LRP1B: variants seen among roughly 807,000 people sequenced by gnomAD.
LRP1B encodes low-density lipoprotein receptor-related protein 1B.
LRP1B carries 217 observed loss-of-function variants against 556.6 expected under a neutral mutation model. The observed-to-expected ratio is 0.39, with a 90% CI of 0.35 to 0.44. The LOEUF is 0.44. LRP1B is among the 20% of genes least tolerant of loss of function. LRP1B has a pLI of 1.00. For missense variants in LRP1B, 5,053 were observed against 5,620.8 expected, an observed-to-expected ratio of 0.90 and a Z score of 3.23; for synonymous variants, 2,047 against 1,865.8, an observed-to-expected ratio of 1.10 and a Z score of -2.50.
intron 3 of LRP1B, among the ~76,000 whole-genome samples, chr2:141,341,277 AC>A (rs1225357414): frequency 6.6e-6 from 1 of 152,216 alleles, no homozygotes; most frequent in East Asian, 1.9e-4. Flanking sequence ...TGAATGTCAT[AC>A]CCATGTATGG....
chr2:141,689,628 A>T (rs1017612698), intron 2 of LRP1B, among the ~76,000 whole-genome samples: 3 of 151,800 alleles, frequency 2.0e-5, no homozygotes, highest in African/African-American at 7.2e-5. Context: ...GCCAAATTTA[A>T]TCTGAGATAA....
At chr2:141,740,115 GATCA>G (rs1693642105) in intron 2 of LRP1B, among the ~76,000 whole-genome samples, 1 of 152,090 alleles carries the variant, frequency 6.6e-6, no homozygotes, top group African/African-American at 2.4e-5. Flanking sequence ...AGTGATAATA[GATCA>G]ATCTAATGCT....
At chr2:141,526,664 C>G (rs1684702113) in intron 2 of LRP1B, among the ~76,000 whole-genome samples, 1 of 151,940 alleles carries the variant, frequency 6.6e-6, no homozygotes, top group South Asian at 2.1e-4. Context: ...AATGTAGACC[C>G]CACCAGCATA....
Position 140,327,986 on chromosome 2 carries a change from TC to T in LRP1B, c.12224-2109del, listed in dbSNP as rs1169600829. Among the ~76,000 whole-genome samples, 5 of 152,172 alleles carry T rather than the reference TC, an allele frequency of 3.3e-5. No homozygotes were observed. In the East Asian group the frequency reaches 7.7e-4, roughly 24 times the overall value. Reference sequence around the variant, plus strand: ...AGCCCTTTAATAAAAGAGATAGTCTTCTAAATTAAAAAGTTAATAAAGGAAT... The same window carrying T: ...AGCCCTTTAATAAAAGAGATAGTCTTTAAATTAAAAAGTTAATAAAGGAAT... On this transcript the variant is annotated intron_variant, in intron 79 of 90. Coordinates refer to ENST00000389484, the MANE Select transcript of LRP1B (RefSeq NM_018557.3).
At chr2:141,923,807 T>C (rs1313807871) in intron 1 of LRP1B, among the ~76,000 whole-genome samples, 2 of 152,154 alleles carry the variant, frequency 1.3e-5, no homozygotes, top group African/African-American at 4.8e-5. Flanking sequence ...CAGTCATTTC[T>C]TTCCCTTTCC....
chr2:140,741,842 T>C lies in LRP1B; in HGVS notation c.5759-25026A>G, dbSNP rs927670902. 9.2e-5 allele frequency among the ~76,000 whole-genome samples: 14 copies of C among 152,312 alleles called. No individual in the cohort carries two copies. The South Asian group carries it at 2.5e-3, about 27-fold the overall frequency. ...GTGCTCAATGCTTAGCTCCCAAATG[T>C]AAGTGAGAACATGCACTATTTGGTT... On this transcript the variant is annotated intron_variant, in intron 35 of 90. Coordinates refer to ENST00000389484, the MANE Select transcript of LRP1B (RefSeq NM_018557.3).
intron 2 of LRP1B, among the ~76,000 whole-genome samples, chr2:141,707,992 G>GT (rs375678921): frequency 4.5e-4 from 68 of 152,212 alleles, no homozygotes; most frequent in African/African-American, 1.5e-3. Context: ...TCAATCAGCA[G>GT]TTTTGAAATA....
At chr2:141,264,861 G>A (rs2105357443) in intron 3 of LRP1B, among the ~76,000 whole-genome samples, 1 of 152,300 alleles carries the variant, frequency 6.6e-6, no homozygotes, top group South Asian at 2.1e-4. Flanking sequence ...CTACGTGGCT[G>A]TGCCTGGTCA....
At chr2:140,446,619 A>G (rs923614034) in intron 63 of LRP1B, among the ~76,000 whole-genome samples, 2 of 152,126 alleles carry the variant, frequency 1.3e-5, no homozygotes, top group Non-Finnish European at 2.9e-5. Flanking sequence ...TCATTCCTAC[A>G]GATATTCAAA....
intron 3 of LRP1B, among the ~76,000 whole-genome samples, chr2:141,270,153 G>A (rs980016751): frequency 5.3e-5 from 8 of 151,966 alleles, no homozygotes; most frequent in Admixed American, 2.0e-4. Flanking sequence ...CCAAAGATAC[G>A]CAAATTGCCA....
chr2:140,247,978 T>C (rs1681241667), intron 86 of LRP1B, among the ~76,000 whole-genome samples: 1 of 151,538 alleles, frequency 6.6e-6, no homozygotes, highest in Admixed American at 6.6e-5. Flanking sequence ...TGGCTTCAGT[T>C]CGTAGTTAAA....
rs115054498 is a variant in LRP1B at position 140,948,385 on chromosome 2, T to C, written c.3136+1850A>G. The stretch of plus-strand genomic sequence containing the variant: ...GGCAAAAAAAGAAAAACTTTACATA[T>C]ACTTTTTCTTTTTTCACTCAATATT... On this transcript the variant is annotated intron_variant, in intron 20 of 90. Transcript: ENST00000389484. 7.2e-3 allele frequency among the ~76,000 whole-genome samples: 1,092 copies of C among 152,288 alleles called. 7 individuals carry two copies. Among genetic ancestry groups the C allele is most frequent in the Non-Finnish European group, 0.012 (829 of 68,010 alleles).
chr2:141,751,155 A>G (rs186515650), intron 2 of LRP1B, among the ~76,000 whole-genome samples: 2 of 152,194 alleles, frequency 1.3e-5, no homozygotes, highest in Admixed American at 1.3e-4. Flanking sequence ...AAAGTTAACA[A>G]ATAAAACACA....
intron 34 of LRP1B, 132 bp downstream of exon 34, chr2:140,770,749 A>G (rs1689281516): frequency 1.7e-6 from 1 of 579,174 alleles, no homozygotes; most frequent in Non-Finnish European, 2.9e-6. Context: ...GAGACTAAAC[A>G]GTATACCATT....
rs1422613073 is a variant in LRP1B, at chr2:141,467,102, G to A, written c.343+13294C>T. ...TACACACACACACACATATATATGTGTATATATATATATATATATATCTAT... is the reference window on the plus strand; with the variant it reads ...TACACACACACACACATATATATGTATATATATATATATATATATATCTAT... On this transcript the variant is annotated intron_variant, in intron 3 of 90. Transcript: ENST00000389484. 2.6e-3 allele frequency among the ~76,000 whole-genome samples: 220 copies of A among 84,348 alleles called. 10 individuals are homozygous for A. Among genetic ancestry groups the A allele is most frequent in the African/African-American group, 0.012 (199 of 17,000 alleles). 55.3% of individuals were successfully genotyped at this position (84,348 alleles called of 152,430 possible).
intron 1 of LRP1B, among the ~76,000 whole-genome samples, chr2:141,906,520 C>T (rs1699766129): frequency 6.6e-6 from 1 of 151,906 alleles, no homozygotes; most frequent in African/African-American, 2.4e-5. Flanking sequence ...TTAATTGTTA[C>T]AATACTGAAT....
At chr2:141,115,324 A>C (rs72991077) in intron 7 of LRP1B, among the ~76,000 whole-genome samples, 6,092 of 152,232 alleles carry the variant, frequency 0.04, 278 homozygotes, top group East Asian at 0.14. Flanking sequence ...AGGAATAGAC[A>C]AGGATTCAAT....
At chr2:141,067,889 A>G (rs1181124126) in intron 7 of LRP1B, among the ~76,000 whole-genome samples, 1 of 151,960 alleles carries the variant, frequency 6.6e-6, no homozygotes, top group Admixed American at 6.6e-5. Flanking sequence ...TGGAGCCTGC[A>G]TATCAAAGTA....
chr2:141,702,626 C>A (rs1242134202), intron 2 of LRP1B, among the ~76,000 whole-genome samples: 1 of 151,674 alleles, frequency 6.6e-6, no homozygotes, highest in East Asian at 1.9e-4. Context: ...TAGTAGGGAG[C>A]TAGTGAAGGT....
Sources: allele counts gnomAD v4.1 joint callset (sites outside exome capture counted in the v4.1 genomes callset), GRCh38; gene constraint gnomAD v4.1.1; transcripts MANE v1.5; gene names NCBI Gene and HGNC (gene_info 2026-07-23, HGNC 2026-07-21).